Variants in WWOX observed in about 807,000 individuals in gnomAD.
WWOX encodes WW domain containing oxidoreductase.
In WWOX, 69 loss-of-function variants were observed where a neutral mutation model predicts 46.2. The observed-to-expected ratio is 1.49, with a 90% CI of 1.23 to 1.82. WWOX has a LOEUF of 1.82. Ranked by LOEUF, WWOX falls within the 40% of genes most tolerant of loss-of-function variation. The pLI is 0.00. For synonymous variants in WWOX, 359 were observed against 202.6 expected, an observed-to-expected ratio of 1.77 and a Z score of -6.56; for missense variants, 919 against 542.6, an observed-to-expected ratio of 1.69 and a Z score of -6.89.
At chr16:78,328,971 C>A (rs544018345) in intron 5 of WWOX, among the ~76,000 whole-genome samples, 1 of 152,200 alleles carries the variant, frequency 6.6e-6, no homozygotes, top group East Asian at 1.9e-4. Flanking sequence ...AAGCGATTCT[C>A]CTGCCTCAGC....
At chr16:78,409,012 G>T (rs2082612215) in intron 6 of WWOX, among the ~76,000 whole-genome samples, 1 of 152,144 alleles carries the variant, frequency 6.6e-6, no homozygotes, top group Admixed American at 6.5e-5. Context: ...ACCTACCTCT[G>T]ATTTCTTAAT....
At chr16:79,164,473 C>G (rs1054303342) in intron 8 of WWOX, among the ~76,000 whole-genome samples, 1 of 151,524 alleles carries the variant, frequency 6.6e-6, no homozygotes, top group African/African-American at 2.4e-5. Context: ...GAAGGATGTT[C>G]ATTCAGGCAG....
intron 8 of WWOX, among the ~76,000 whole-genome samples, chr16:78,533,832 A>G (rs1299409756): frequency 5.9e-5 from 9 of 152,164 alleles, no homozygotes; most frequent in Admixed American, 3.9e-4. Context: ...CGCCCTCAGC[A>G]TACTTGCTCA....
chr16:78,641,235 G>A (rs1330210012), intron 8 of WWOX, among the ~76,000 whole-genome samples: 2 of 151,950 alleles, frequency 1.3e-5, no homozygotes, highest in East Asian at 3.9e-4. Context: ...TCCCCCAGGA[G>A]ATTTTTTTTT....
At chr16:79,026,716 C>G (rs2047650499) in intron 8 of WWOX, among the ~76,000 whole-genome samples, 1 of 145,654 alleles carries the variant, frequency 6.9e-6, no homozygotes, top group South Asian at 2.2e-4. Context: ...CTCCCGGGTT[C>G]ACACCATTTT....
In WWOX at chr16:78,558,064, T is replaced by G. The variant is rs191019728; in HGVS notation, c.1056+125312T>G. On this transcript the variant is annotated intron_variant, in intron 8 of 8. Coordinates refer to ENST00000566780, the MANE Select transcript of WWOX (RefSeq NM_016373.4). The stretch of plus-strand genomic sequence containing the variant: ...CTCAGTGAGCATTTGTTGACTAACT[T>G]AGGTCACAGATGTGGGGCTGTGATT... Among the ~76,000 whole-genome samples, 80 of 152,198 alleles carry G rather than the reference T, an allele frequency of 5.3e-4. 2 individuals carry two copies. The highest frequency in any genetic ancestry group is 4.8e-3 in the Admixed American group (73 of 15,292).
At chr16:79,115,709 A>C (rs961475047) in intron 8 of WWOX, among the ~76,000 whole-genome samples, 4 of 152,194 alleles carry the variant, frequency 2.6e-5, no homozygotes, top group Admixed American at 1.3e-4. Context: ...TGCACTTTTA[A>C]ATAAGAGAAA....
At chr16:79,136,921 A>G (rs993636982) in intron 8 of WWOX, among the ~76,000 whole-genome samples, 1 of 152,232 alleles carries the variant, frequency 6.6e-6, no homozygotes, top group Non-Finnish European at 1.5e-5. Flanking sequence ...CAGTAGATCA[A>G]TCAATTACAT....
At chr16:78,838,076 T>G (rs901875255) in intron 8 of WWOX, among the ~76,000 whole-genome samples, 3 of 152,190 alleles carry the variant, frequency 2.0e-5, no homozygotes, top group African/African-American at 7.2e-5. Context: ...GCTGTGTGCC[T>G]TCTGCTTTGT....
chr16:78,520,758 A>T (rs2043330311), intron 8 of WWOX, among the ~76,000 whole-genome samples: 1 of 152,088 alleles, frequency 6.6e-6, no homozygotes, highest in Admixed American at 6.5e-5. Context: ...ACCCTCCCTA[A>T]ATCCCAGGGC....
At position 78,624,253 on chromosome 16, in the gene WWOX, C is replaced by T. The variant is rs16948208; in HGVS notation, c.1056+191501C>T. On this transcript the variant is annotated intron_variant, in intron 8 of 8. Coordinates refer to ENST00000566780, the MANE Select transcript of WWOX (RefSeq NM_016373.4). ...AATCATGTTCCCTTCGGAAAACTCC[C>T]TGGGTGCCCCAGCATTATGTGGTAA... Among the ~76,000 whole-genome samples the T allele has an allele frequency of 8.7e-4, 131 of 149,964 alleles. 3 individuals carry two copies. Among genetic ancestry groups the T allele is most frequent in the African/African-American group, 3.1e-3 (126 of 40,558 alleles).
intron 8 of WWOX, among the ~76,000 whole-genome samples, chr16:78,677,185 G>T (rs2047621603): frequency 1.3e-5 from 2 of 152,068 alleles, no homozygotes; most frequent in Admixed American, 1.3e-4. Context: ...GGTGCATGAG[G>T]GGGTCCCAGG....
intron 8 of WWOX, among the ~76,000 whole-genome samples, chr16:79,047,672 A>ATTTTTTTTTTTT (rs71140858): frequency 1.9e-5 from 1 of 53,542 alleles, no homozygotes; most frequent in South Asian, 1.0e-3. Flanking sequence ...GACTGTCCTG[A>ATTTTTTTTTTTT]TTTTTTTTTT....
intron 8 of WWOX, among the ~76,000 whole-genome samples, chr16:78,580,485 T>C (rs118130506): frequency 0.016 from 2,422 of 152,314 alleles, 38 homozygotes; most frequent in African/African-American, 0.043. Context: ...AAACAAGGAC[T>C]CCTGGCAGAT....
chr16:78,918,562 C>T (rs373939588), intron 8 of WWOX, among the ~76,000 whole-genome samples: 4 of 152,136 alleles, frequency 2.6e-5, no homozygotes, highest in Non-Finnish European at 2.9e-5. Context: ...TTCTTCTTTC[C>T]GAGACAGGCT....
At chr16:78,904,623 A>G (rs1209614163) in intron 8 of WWOX, among the ~76,000 whole-genome samples, 3 of 152,104 alleles carry the variant, frequency 2.0e-5, no homozygotes, top group Non-Finnish European at 4.4e-5. Context: ...TGTTGGTGCT[A>G]TGATTACAGT....
chr16:78,432,532 G>T lies in WWOX; in HGVS notation c.836G>T (p.Arg279Leu). Reference sequence around the variant, plus strand: ...TCCTTGGGAAAACTGGACTTCAGTCGCCTCTCTCCAACAAAAAACGACTAT... The same window carrying T: ...TCCTTGGGAAAACTGGACTTCAGTCTCCTCTCTCCAACAAAAAACGACTAT... ...NDSLGKLDFS[R>L]LSPTKNDYWA... The change falls in exon 8 of 9, where the codon CGC (arginine) becomes CTC (leucine). Residue 279 changes from arginine to leucine, a missense_variant. By Grantham distance (102) the Arg-to-Leu change is moderately radical (BLOSUM62 -2). Coordinates refer to ENST00000566780, the MANE Select transcript of WWOX (RefSeq NM_016373.4). The T allele has an allele frequency of 6.2e-7, 1 of 1,614,030 alleles. No homozygotes were observed. The highest frequency in any genetic ancestry group is 8.5e-7 in the Non-Finnish European group (1 of 1,179,994).
At chr16:78,579,148 C>T (rs777700275) in intron 8 of WWOX, among the ~76,000 whole-genome samples, 5 of 152,134 alleles carry the variant, frequency 3.3e-5, no homozygotes, top group Non-Finnish European at 5.9e-5. Flanking sequence ...TGTTAAAAAT[C>T]ACTTTAATGA....
chr16:79,174,616 C>G (rs1431004748), intron 8 of WWOX, among the ~76,000 whole-genome samples: 1 of 152,168 alleles, frequency 6.6e-6, no homozygotes, highest in Non-Finnish European at 1.5e-5. Context: ...CCATTGCACT[C>G]CAGCCTGGGC....
Sources: gnomAD v4.1 joint callset for allele counts (sites outside exome capture counted in the v4.1 genomes callset) on GRCh38, gnomAD v4.1.1 for gene constraint, MANE v1.5 for transcripts, NCBI Gene and HGNC (gene_info 2026-07-23, HGNC 2026-07-21) for gene names.